SRFBP1: variants seen among roughly 807,000 people sequenced by gnomAD.
The protein encoded by SRFBP1 is serum response factor-binding protein 1.
SRFBP1 carries 47 observed loss-of-function variants against 45.5 expected under a neutral mutation model. The ratio of observed to expected loss-of-function variants is 1.03; its 90% confidence interval spans 0.82 to 1.32. The LOEUF (loss-of-function observed/expected upper bound fraction) is 1.32, where lower values mean the gene tolerates loss of function less well. Among genes scored for constraint, SRFBP1 ranks in the 40% most tolerant of loss-of-function variants. The pLI is 0.00. For missense variants in SRFBP1, 621 were observed against 484.6 expected (o/e 1.28, Z -2.64); for synonymous variants, 203 against 166.3 (o/e 1.22, Z -1.70).
At chr5:121,984,256 A>T (rs1561580271) in intron 3 of SRFBP1, among the ~76,000 whole-genome samples, 1 of 151,832 alleles carries the variant, frequency 6.6e-6, no homozygotes, top group Non-Finnish European at 1.5e-5. Flanking sequence ...AAGCTCCTCT[A>T]GTAATTTGGT....
intron 4 of SRFBP1, among the ~76,000 whole-genome samples, chr5:122,012,388 ACTTT>A (rs1753115228): frequency 6.6e-6 from 1 of 152,122 alleles, no homozygotes; most frequent in South Asian, 2.1e-4. Flanking sequence ...TATGTCAAAG[ACTTT>A]CTTTAAAACA....
At chr5:121,992,529 C>T (rs1752639878) in intron 3 of SRFBP1, among the ~76,000 whole-genome samples, 1 of 151,996 alleles carries the variant, frequency 6.6e-6, no homozygotes, top group African/African-American at 2.4e-5. Context: ...AAATTCTTAA[C>T]TTAATTACAT....
intron 4 of SRFBP1, among the ~76,000 whole-genome samples, chr5:122,008,473 T>G (rs1001386640): frequency 2.0e-5 from 3 of 152,146 alleles, no homozygotes; most frequent in Non-Finnish European, 2.9e-5. Flanking sequence ...CATCACCACA[T>G]GGAAAGTATT....
intron 4 of SRFBP1, among the ~76,000 whole-genome samples, chr5:122,004,262 G>A (rs1479256658): frequency 1.3e-5 from 2 of 152,180 alleles, no homozygotes; most frequent in Admixed American, 1.3e-4. Context: ...ACAGTTTCCA[G>A]CCTTACGTTT....
intron 4 of SRFBP1, among the ~76,000 whole-genome samples, chr5:122,004,386 T>G (rs1752938408): frequency 6.6e-6 from 1 of 152,204 alleles, no homozygotes; most frequent in Non-Finnish European, 1.5e-5. Context: ...CAGACTGTCC[T>G]TTCCTTATTG....
At chr5:122,067,492 A>G (rs1754330236) in intron 2 of SRFBP1, among the ~76,000 whole-genome samples, 1 of 152,100 alleles carries the variant, frequency 6.6e-6, no homozygotes, top group African/African-American at 2.4e-5. Flanking sequence ...AGGAAAAGCA[A>G]TCAGTGAACT....
chr5:122,012,074 C>T (rs1753107469), intron 4 of SRFBP1, among the ~76,000 whole-genome samples: 2 of 151,936 alleles, frequency 1.3e-5, no homozygotes, highest in African/African-American at 4.8e-5. Flanking sequence ...AATACTAGAC[C>T]GAATTCAGAA....
chr5:122,040,837 A>G (rs185500162), intron 2 of SRFBP1, among the ~76,000 whole-genome samples: 1 of 152,118 alleles, frequency 6.6e-6, no homozygotes, highest in African/African-American at 2.4e-5. Flanking sequence ...AATTTTTCAG[A>G]TCTCTGTTCA....
chr5:122,010,323 G>A (rs1380739870), intron 4 of SRFBP1, among the ~76,000 whole-genome samples: 1 of 151,946 alleles, frequency 6.6e-6, no homozygotes, highest in Non-Finnish European at 1.5e-5. Context: ...TTCTTCCTTA[G>A]TTGACTATAG....
chr5:122,078,013 C>A, downstream of SRFBP1: 1 of 1,436,082 alleles, frequency 7.0e-7, no homozygotes, highest in South Asian at 1.6e-5. Flanking sequence ...TGACCCCGCT[C>A]GAGGAGGACG....
chr5:122,018,991 A>G (rs983213063), intron 4 of SRFBP1, among the ~76,000 whole-genome samples: 2 of 152,166 alleles, frequency 1.3e-5, no homozygotes, highest in African/African-American at 4.8e-5. Flanking sequence ...GCTTATCACA[A>G]TTCTGAGAAT....
intron 2 of SRFBP1, among the ~76,000 whole-genome samples, chr5:122,052,617 T>C (rs1157653454): frequency 6.6e-6 from 1 of 152,226 alleles, no homozygotes; most frequent in Non-Finnish European, 1.5e-5. Flanking sequence ...AGTTCTTTTT[T>C]ATAATGGCGA....
intron 4 of SRFBP1, among the ~76,000 whole-genome samples, chr5:121,999,537 G>A (rs190650771): frequency 1.1e-4 from 16 of 152,036 alleles, no homozygotes; most frequent in Admixed American, 5.9e-4. Context: ...TAAGAGGTAC[G>A]TTGGAACCTC....
At chr5:122,078,071 G>A (rs1032712827), downstream of SRFBP1, 14 of 1,296,362 alleles carry the variant, frequency 1.1e-5, no homozygotes, top group Admixed American at 6.9e-5. Context: ...GAGGGAAGGA[G>A]AAATCTTCAA....
chr5:122,047,220 T>C (rs1454637364), intron 2 of SRFBP1, among the ~76,000 whole-genome samples: 2 of 152,236 alleles, frequency 1.3e-5, no homozygotes, highest in Non-Finnish European at 2.9e-5. Context: ...AATTAATTTT[T>C]GTATAAGGTG....
chr5:122,038,157 C>T (rs1038289621), intron 2 of SRFBP1, among the ~76,000 whole-genome samples: 3 of 152,066 alleles, frequency 2.0e-5, no homozygotes, highest in African/African-American at 4.8e-5. Flanking sequence ...AATAAACATC[C>T]GTTTTGTTAA....
intron 4 of SRFBP1, among the ~76,000 whole-genome samples, chr5:122,005,114 T>C (rs866620274): frequency 6.6e-6 from 1 of 152,186 alleles, no homozygotes. Flanking sequence ...AGAAGAAGTA[T>C]TCTGTTGCTG....
chr5:121,992,966 A>G (rs940415433), intron 3 of SRFBP1, among the ~76,000 whole-genome samples: 1 of 152,108 alleles, frequency 6.6e-6, no homozygotes, highest in Non-Finnish European at 1.5e-5. Context: ...TCTCCGACCC[A>G]GGAGCCTCGT....
chr5:122,020,681 A>G lies in SRFBP1; in HGVS notation c.946A>G (p.Lys316Glu), dbSNP rs774232479. The change falls in exon 6 of 8, where the codon AAA (lysine) becomes GAA (glutamate). Residue 316 changes from lysine to glutamate, a missense_variant. Physicochemically the swap from Lys to Glu is moderately conservative, Grantham distance 56 (BLOSUM62 1). Transcript: ENST00000339397. ...AAAACCACTAGAAAAAGTGTTTCTTAAAGAAGATACAGGTGAAACTCATGG... is the reference window on the plus strand; with the variant it reads ...AAAACCACTAGAAAAAGTGTTTCTTGAAGAAGATACAGGTGAAACTCATGG... Reference protein sequence around the residue: ...EQKPLEKVFLKEDTGETHGDT... With the variant: ...EQKPLEKVFLEEDTGETHGDT... The G allele has an allele frequency of 1.2e-6, 2 of 1,613,902 alleles. No homozygotes were observed. The highest frequency in any genetic ancestry group is 1.7e-6 in the Non-Finnish European group (2 of 1,179,852).
Sources: gnomAD v4.1 joint callset for allele counts (sites outside exome capture counted in the v4.1 genomes callset) on GRCh38, gnomAD v4.1.1 for gene constraint, MANE v1.5 for transcripts, NCBI Gene and HGNC (gene_info 2026-07-23, HGNC 2026-07-21) for gene names.